PEAK1: variants seen among roughly 807,000 people sequenced by gnomAD.
PEAK1 encodes the protein inactive tyrosine-protein kinase PEAK1.
In PEAK1, 54 loss-of-function variants were observed where a neutral mutation model predicts 124.7. The observed-to-expected ratio is 0.43, with a 90% CI of 0.35 to 0.54. The LOEUF (loss-of-function observed/expected upper bound fraction) is 0.54. Among genes scored for constraint, PEAK1 ranks in the 20% least tolerant of loss-of-function variants. The pLI is 0.01. For missense variants in PEAK1, 2,046 were observed against 2,134.5 expected, an observed-to-expected ratio of 0.96 and a Z score of 0.82; for synonymous variants, 719 against 760.0, an observed-to-expected ratio of 0.95 and a Z score of 0.89.
chr15:77,197,367 T>C lies in PEAK1; in HGVS notation c.-114-15327A>G, dbSNP rs144739378. 6.8e-3 allele frequency among the ~76,000 whole-genome samples: 1,042 copies of C among 152,268 alleles called. 14 individuals carry two copies. Among genetic ancestry groups the C allele is most frequent in the African/African-American group, 0.024 (989 of 41,538 alleles). ...TGGGATCTTGCCTAAAAACAAGAGG[T>C]GAAATTTATATATTATCCAAACAGA... On this transcript the variant is annotated intron_variant, in intron 6 of 9. Transcript: ENST00000682557.
intron 2 of PEAK1, among the ~76,000 whole-genome samples, chr15:77,310,801 T>C (rs2064390699): frequency 6.6e-6 from 1 of 152,198 alleles, no homozygotes; most frequent in African/African-American, 2.4e-5. Flanking sequence ...ATCTGAAGGA[T>C]GAAATCTAAC....
chr15:77,116,701 A>AATCAATCT (rs1313494282), intron 9 of PEAK1, among the ~76,000 whole-genome samples: 70 of 145,860 alleles, frequency 4.8e-4, no homozygotes, highest in Middle Eastern at 3.5e-3. Context: ...GAAATCAATC[A>AATCAATCT]ATCTATCTAT....
chr15:77,408,585 T>C (rs1413521243), intron 1 of PEAK1, among the ~76,000 whole-genome samples: 1 of 152,060 alleles, frequency 6.6e-6, no homozygotes, highest in Non-Finnish European at 1.5e-5. Context: ...AAACAGTTTT[T>C]CAAATGAAGT....
chr15:77,197,114 T>A (rs1027272114), intron 6 of PEAK1, among the ~76,000 whole-genome samples: 39 of 151,808 alleles, frequency 2.6e-4, no homozygotes, highest in African/African-American at 9.0e-4. Context: ...TGGCCTCCCA[T>A]AGTGCCGGGA....
At chr15:77,280,578 T>C (rs182944290) in intron 5 of PEAK1, among the ~76,000 whole-genome samples, 2 of 151,784 alleles carry the variant, frequency 1.3e-5, no homozygotes, top group East Asian at 1.9e-4. Context: ...TTTTTTTTTT[T>C]TGAGCCTTTT....
intron 5 of PEAK1, among the ~76,000 whole-genome samples, chr15:77,277,132 T>C (rs1400203449): frequency 6.6e-6 from 1 of 152,120 alleles, no homozygotes; most frequent in Non-Finnish European, 1.5e-5. Flanking sequence ...CATGGAAAAC[T>C]AACTATATCA....
intron 9 of PEAK1, among the ~76,000 whole-genome samples, chr15:77,124,161 T>C (rs1216909236): frequency 1.3e-5 from 2 of 152,252 alleles, no homozygotes; most frequent in Non-Finnish European, 1.5e-5. Flanking sequence ...ACAAGCCCTC[T>C]GCAACCTTGG....
At chr15:77,245,967 A>G (rs528567847) in intron 6 of PEAK1, among the ~76,000 whole-genome samples, 1 of 150,932 alleles carries the variant, frequency 6.6e-6, no homozygotes, top group East Asian at 1.9e-4. Context: ...TTCCAAAAAA[A>G]TTTTAGAATC....
At chr15:77,317,339 G>T (rs2153011193) in intron 2 of PEAK1, among the ~76,000 whole-genome samples, 1 of 152,092 alleles carries the variant, frequency 6.6e-6, no homozygotes, top group Middle Eastern at 3.4e-3. Context: ...GGAAAAATTA[G>T]AAAAGGCAAT....
At position 77,114,874 on chromosome 15, in the gene PEAK1, T is replaced by G; in HGVS notation, c.4523A>C (p.Lys1508Thr). The change falls in exon 10 of 10, where the codon AAA (lysine) becomes ACA (threonine). Residue 1508 changes from lysine (K) to threonine (T), a missense_variant. Lys to Thr is a moderately conservative substitution (Grantham distance 78). Transcript: ENST00000682557. ...LQLCSGLEHL[K>T]PYHVTHCDLR... The stretch of plus-strand genomic sequence containing the variant: ...ATCGCAGTGAGTGACATGGTAGGGT[T>G]TGAGGTGCTCAAGACCAGAGCATAG... 6.2e-7 allele frequency: 1 copy of G among 1,613,602 alleles called. No individual in the cohort carries two copies. The highest frequency in any genetic ancestry group is 8.5e-7 in the Non-Finnish European group (1 of 1,179,934).
chr15:77,376,923 G>A (rs1255454784), intron 1 of PEAK1, among the ~76,000 whole-genome samples: 2 of 152,140 alleles, frequency 1.3e-5, no homozygotes, highest in African/African-American at 4.8e-5. Flanking sequence ...TCATCAGTAG[G>A]TGATCATTGT....
intron 6 of PEAK1, among the ~76,000 whole-genome samples, chr15:77,208,629 GA>G (rs1380630645): frequency 6.6e-6 from 1 of 151,914 alleles, no homozygotes; most frequent in Non-Finnish European, 1.5e-5. Flanking sequence ...GTTGTATAGG[GA>G]AAAAACACCA....
chr15:77,281,697 A>G (rs1185928675), intron 5 of PEAK1, among the ~76,000 whole-genome samples: 3 of 152,178 alleles, frequency 2.0e-5, no homozygotes, highest in African/African-American at 7.2e-5. Flanking sequence ...ATTTTTGAAT[A>G]TTTATGAAAA....
intron 8 of PEAK1, among the ~76,000 whole-genome samples, chr15:77,153,697 T>C (rs1203246626): frequency 2.0e-5 from 3 of 152,194 alleles, no homozygotes; most frequent in Non-Finnish European, 4.4e-5. Flanking sequence ...TTTGTTCTCA[T>C]TGGTTTCAAA....
chr15:77,178,196 A>G (rs1288518154), intron 7 of PEAK1: 1 of 152,636 alleles, frequency 6.6e-6, no homozygotes, highest in Non-Finnish European at 1.5e-5. Flanking sequence ...ACTGGGTCTC[A>G]GTCTCAATAC....
chr15:77,402,278 T>C (rs908993898), intron 1 of PEAK1: 14 of 984,502 alleles, frequency 1.4e-5, no homozygotes, highest in Admixed American at 1.2e-4. Flanking sequence ...TTTTCAGTAA[T>C]AGAATTGCTT....
At chr15:77,241,490 A>G (rs1346143218) in intron 6 of PEAK1, among the ~76,000 whole-genome samples, 3 of 152,138 alleles carry the variant, frequency 2.0e-5, no homozygotes, top group Non-Finnish European at 4.4e-5. Context: ...TAGACAAGAA[A>G]AAGAAGTAAA....
rs748429257 is a variant in PEAK1 at position 77,181,385 on chromosome 15, T to C, written c.542A>G (p.Asn181Ser). The C allele has an allele frequency of 3.1e-6, 5 of 1,614,080 alleles. No homozygotes were observed. In the African/African-American group the frequency reaches 6.7e-5, roughly 22 times the overall value. ...NSRETFLGRI[N>S]DCYKRSLERK... The stretch of plus-strand genomic sequence containing the variant: ...TTCCAATGATCGTTTATAGCAATCA[T>C]TTATTCTTCCCAAGAATGTTTCTCT... The change falls in exon 7 of 10, where the codon AAT (asparagine) becomes AGT (serine). Residue 181 changes from asparagine (N) to serine (S), a missense_variant. Physicochemically the swap from Asn to Ser is conservative, Grantham distance 46 (BLOSUM62 1). Coordinates refer to ENST00000682557, the MANE Select transcript of PEAK1 (RefSeq NM_001385026.1).
chr15:77,127,266 G>T (rs2052458926), intron 9 of PEAK1, among the ~76,000 whole-genome samples: 1 of 152,172 alleles, frequency 6.6e-6, no homozygotes, highest in Non-Finnish European at 1.5e-5. Flanking sequence ...GGGTCTTCCA[G>T]CCTCCATAAC....
Sources: gnomAD v4.1 joint callset for allele counts (sites outside exome capture counted in the v4.1 genomes callset) on GRCh38, gnomAD v4.1.1 for gene constraint, MANE v1.5 for transcripts, NCBI Gene and HGNC (gene_info 2026-07-23, HGNC 2026-07-21) for gene names.